The following CNTNAP5 variants were observed in gnomAD, a reference collection of about 807,000 sequenced individuals.
CNTNAP5 encodes contactin associated protein family member 5, also known as contactin-associated protein-like 5.
A neutral mutation model predicts 150.2 loss-of-function variants in CNTNAP5; 72 were observed. The ratio of observed to expected loss-of-function variants is 0.48; its 90% CI spans 0.40 to 0.58. The LOEUF (loss-of-function observed/expected upper bound fraction) is 0.58. Ranked by LOEUF, CNTNAP5 falls within the 20% of genes least tolerant of loss-of-function variation. CNTNAP5 has a pLI of 0.00. For missense variants in CNTNAP5, 1,636 were observed against 1,626.2 expected, an observed-to-expected ratio of 1.01 and a Z score of -0.10; for synonymous variants, 672 against 619.8, an observed-to-expected ratio of 1.08 and a Z score of -1.25.
At chr2:124,794,187 G>A (rs922907524) in intron 18 of CNTNAP5, among the ~76,000 whole-genome samples, 5 of 152,166 alleles carry the variant, frequency 3.3e-5, no homozygotes, top group East Asian at 1.9e-4. Flanking sequence ...TATTACCAGA[G>A]CATTACTGCT....
intron 3 of CNTNAP5, among the ~76,000 whole-genome samples, chr2:124,326,240 C>A (rs1689213406): frequency 6.6e-6 from 1 of 152,120 alleles, no homozygotes; most frequent in Non-Finnish European, 1.5e-5. Flanking sequence ...TACTCATAAG[C>A]CATGTGCATG....
At chr2:124,110,067 A>C (rs527733294) in intron 1 of CNTNAP5, among the ~76,000 whole-genome samples, 1 of 152,350 alleles carries the variant, frequency 6.6e-6, no homozygotes, top group African/African-American at 2.4e-5. Flanking sequence ...GATTAAAGGC[A>C]TATCAACCAC....
intron 1 of CNTNAP5, among the ~76,000 whole-genome samples, chr2:124,132,517 A>T (rs1009314157): frequency 6.6e-6 from 1 of 152,154 alleles, no homozygotes; most frequent in Non-Finnish European, 1.5e-5. Context: ...TTGTGAGACA[A>T]CGAGGATCAA....
At chr2:124,486,663 A>C (rs1233825869) in intron 7 of CNTNAP5, among the ~76,000 whole-genome samples, 1 of 152,186 alleles carries the variant, frequency 6.6e-6, no homozygotes, top group Non-Finnish European at 1.5e-5. Flanking sequence ...TCACCTGATC[A>C]CAGTTTTATG....
intron 1 of CNTNAP5, among the ~76,000 whole-genome samples, chr2:124,046,278 A>G (rs1468358204): frequency 2.6e-5 from 4 of 152,208 alleles, no homozygotes; most frequent in Admixed American, 2.0e-4. Context: ...GAGATGTCAC[A>G]ATTTGCCAGT....
In CNTNAP5 at chr2:124,558,539, G is replaced by A. The variant is rs554931990; in HGVS notation, c.1650-4678G>A. ...TCAGATCTAAACGTTGAAGTCACTG[G>A]TGTGTAGCCGTGAGATTTGCTTTGA... On this transcript the variant is annotated intron_variant, in intron 10 of 23. Coordinates refer to ENST00000682447, the MANE Select transcript of CNTNAP5 (RefSeq NM_001367498.1). Among the ~76,000 whole-genome samples the A allele has an allele frequency of 2.6e-5, 4 of 152,266 alleles. No homozygotes were observed. In the East Asian group the frequency reaches 7.7e-4, roughly 29 times the overall value.
chr2:124,041,149 T>C (rs1158877538), intron 1 of CNTNAP5, among the ~76,000 whole-genome samples: 2 of 152,214 alleles, frequency 1.3e-5, no homozygotes, highest in East Asian at 3.9e-4. Context: ...TCTGAGCAAC[T>C]GAAACAAAAT....
chr2:124,707,204 G>GAAT (rs201421624), intron 13 of CNTNAP5, among the ~76,000 whole-genome samples: 55 of 142,708 alleles, frequency 3.9e-4, no homozygotes, highest in Non-Finnish European at 4.6e-4. Flanking sequence ...AGAAGAAGAA[G>GAAT]AATAAACAAC....
chr2:124,695,245 C>T (rs750055045), intron 13 of CNTNAP5, among the ~76,000 whole-genome samples: 4 of 152,164 alleles, frequency 2.6e-5, no homozygotes, highest in Non-Finnish European at 5.9e-5. Flanking sequence ...CAGAAGTGTG[C>T]AGTAGCACAG....
At chr2:124,442,573 C>T (rs1692700907) in intron 5 of CNTNAP5, among the ~76,000 whole-genome samples, 1 of 152,110 alleles carries the variant, frequency 6.6e-6, no homozygotes, top group African/African-American at 2.4e-5. Flanking sequence ...GTTGAAAGTA[C>T]TTAGGGAAAA....
intron 12 of CNTNAP5, among the ~76,000 whole-genome samples, chr2:124,638,738 T>C (rs1169978631): frequency 6.6e-6 from 1 of 152,212 alleles, no homozygotes; most frequent in Non-Finnish European, 1.5e-5. Flanking sequence ...GTGTATTCAT[T>C]TTTCTCTTTT....
Position 124,647,812 on chromosome 2 carries a change from G to A in CNTNAP5, c.1931G>A (p.Arg644Gln), listed in dbSNP as rs747200810. 3.7e-5 allele frequency: 59 copies of A among 1,613,256 alleles called. No individual in the cohort carries two copies. The highest frequency in any genetic ancestry group is 4.5e-5 in the East Asian group (2 of 44,854). ...QHNNTELTRVRGANPEKPYAM... is the reference protein window; with the variant it reads ...QHNNTELTRVQGANPEKPYAM... ...AACAATACAGAGCTGACCCGAGTGCGGGGCGCTAACCCTGAGAAGCCCTAT... is the reference window on the plus strand; with the variant it reads ...AACAATACAGAGCTGACCCGAGTGCAGGGCGCTAACCCTGAGAAGCCCTAT... Residue 644 changes from arginine to glutamine, a missense_variant, in exon 13 of 24, where the codon CGG becomes CAG. Arg to Gln is a conservative substitution (Grantham distance 43). Coordinates refer to ENST00000682447, the MANE Select transcript of CNTNAP5 (RefSeq NM_001367498.1).
chr2:124,810,542 G>A (rs1682193057), intron 19 of CNTNAP5, among the ~76,000 whole-genome samples: 1 of 152,148 alleles, frequency 6.6e-6, no homozygotes, highest in Non-Finnish European at 1.5e-5. Context: ...AGTCCAACCT[G>A]GGAGAGAATT....
intron 11 of CNTNAP5, among the ~76,000 whole-genome samples, chr2:124,598,745 C>G (rs1023641436): frequency 2.0e-5 from 3 of 152,104 alleles, no homozygotes; most frequent in Admixed American, 2.0e-4. Context: ...CCCCCAGCCT[C>G]GCTGCCGCCT....
intron 1 of CNTNAP5, among the ~76,000 whole-genome samples, chr2:124,050,509 C>G (rs1315210315): frequency 6.6e-6 from 1 of 151,994 alleles, no homozygotes; most frequent in East Asian, 1.9e-4. Flanking sequence ...ATTTTGTTAG[C>G]AAGATCTTAG....
intron 21 of CNTNAP5, among the ~76,000 whole-genome samples, chr2:124,884,423 A>C (rs765269964): frequency 1.3e-5 from 2 of 151,612 alleles, no homozygotes; most frequent in African/African-American, 2.4e-5. Context: ...ACATTTCCCA[A>C]TTTGCTTTTT....
rs776009823 is a variant in CNTNAP5 at position 124,242,196 on chromosome 2, C to T, written c.188-4C>T. On this transcript the variant is annotated splice_polypyrimidine_tract_variant and splice_region_variant and intron_variant, in intron 2 of 23. Coordinates refer to ENST00000682447, the MANE Select transcript of CNTNAP5 (RefSeq NM_001367498.1). ...CTCTCTCACTCTCTCTGATCCTGTT[C>T]CAGGAACTGGCGGTTGGTCCCCAGC... 5 of 1,579,262 alleles carry T rather than the reference C, an allele frequency of 3.2e-6. No homozygotes were observed. The highest frequency in any genetic ancestry group is 4.3e-6 in the Non-Finnish European group (5 of 1,161,628).
At chr2:124,025,793 A>C in intron 1 of CNTNAP5, 61 bp downstream of exon 1, 1 of 1,317,662 alleles carries the variant, frequency 7.6e-7, no homozygotes, top group South Asian at 1.2e-5. Flanking sequence ...TCAGAAAGAC[A>C]ATCAACTATC....
chr2:124,078,572 A>G (rs1220083198), intron 1 of CNTNAP5, among the ~76,000 whole-genome samples: 1 of 152,214 alleles, frequency 6.6e-6, no homozygotes, highest in African/African-American at 2.4e-5. Context: ...ATCACCTTCA[A>G]ACTGTGATGG....
Sources: gnomAD v4.1 joint callset for allele counts (sites outside exome capture counted in the v4.1 genomes callset) on GRCh38, gnomAD v4.1.1 for gene constraint, MANE v1.5 for transcripts, NCBI Gene and HGNC (gene_info 2026-07-23, HGNC 2026-07-21) for gene names.